Variants in CSPP1 observed in about 807,000 individuals in gnomAD.
CSPP1 encodes centrosome and spindle pole associated protein 1.
CSPP1 carries 126 observed loss-of-function variants against 164.4 expected under a neutral mutation model. The observed-to-expected ratio is 0.77, with a 90% CI of 0.66 to 0.89. CSPP1 has a LOEUF of 0.89. Ranked by LOEUF, CSPP1 falls within the 40% of genes least tolerant of loss-of-function variation. The probability of loss-of-function intolerance (pLI) is 0.00; values close to 1 mark genes in which losing one functional copy is unlikely to be tolerated. For missense variants in CSPP1, 1,395 were observed against 1,449.8 expected (o/e 0.96, Z 0.61); for synonymous variants, 472 against 476.7 (o/e 0.99, Z 0.13).
At position 67,158,729 on chromosome 8, in the gene CSPP1, C is replaced by A. The variant is rs933412385; in HGVS notation, c.2391+133C>A. The A allele has an allele frequency of 4.3e-6, 5 of 1,163,782 alleles. No individual in the cohort carries two copies. The African/African-American group carries it at 4.7e-5, about 11-fold the overall frequency. The allele number at this position is 1,163,782 out of a possible 1,614,324, so 72.1% of individuals were successfully genotyped here. ...AGAAAATATCAGATCAATATACATT[C>A]TTTGGATATTATTTTATTAAGGTGA... On this transcript the variant is annotated intron_variant, in intron 20 of 30. Transcript: ENST00000678616.
Position 67,159,670 on chromosome 8 carries a change from C to A in CSPP1, c.2538+533C>A, listed in dbSNP as rs570856486. 4.0e-5 allele frequency among the ~76,000 whole-genome samples: 6 copies of A among 150,708 alleles called. No individual in the cohort carries two copies. The South Asian group carries it at 1.3e-3, about 32-fold the overall frequency. ...TCAAGTAGCTGGGACTACAGGCACA[C>A]GCCATCATGCCCAGCTAATTTTTGT... is the stretch of plus-strand genomic sequence containing the variant. On this transcript the variant is annotated intron_variant, in intron 21 of 30. Coordinates refer to ENST00000678616, the MANE Select transcript of CSPP1 (RefSeq NM_001382391.1).
intron 28 of CSPP1, among the ~76,000 whole-genome samples, chr8:67,184,489 G>A (rs1312678919): frequency 4.6e-5 from 7 of 152,080 alleles, no homozygotes; most frequent in East Asian, 1.9e-4. Context: ...TGTAATCCCA[G>A]TACTTTGGGA....
intron 3 of CSPP1, among the ~76,000 whole-genome samples, chr8:67,083,454 C>G (rs1240738931): frequency 6.8e-6 from 1 of 146,808 alleles, no homozygotes; most frequent in East Asian, 2.0e-4. Context: ...ATCACTTGAA[C>G]CTGGGAGGTG....
rs767036071 is a variant in CSPP1, at chr8:67,112,041, C to T, written c.1163C>T (p.Ala388Val). ...KYRLELLEQM[A>V]EQQRNKRREK... Reference sequence around the variant, plus strand: ...AGACTAGAACTGTTGGAACAAATGGCTGAGCAACAGAGGAACAAGAGACGG... The same window carrying T: ...AGACTAGAACTGTTGGAACAAATGGTTGAGCAACAGAGGAACAAGAGACGG... The change falls in exon 10 of 31, where the codon GCT becomes GTT. Residue 388 changes from alanine (A) to valine (V), a missense_variant. Transcript: ENST00000678616. 1 of 1,610,760 alleles carries T rather than the reference C, an allele frequency of 6.2e-7. No individual in the cohort carries two copies. The highest frequency in any genetic ancestry group is 8.5e-7 in the Non-Finnish European group (1 of 1,178,086).
intron 17 of CSPP1, among the ~76,000 whole-genome samples, chr8:67,139,640 A>G (rs1276678692): frequency 1.3e-5 from 2 of 152,252 alleles, no homozygotes; most frequent in East Asian, 3.8e-4. Flanking sequence ...TGGCACATAT[A>G]CACCATGGAA....
chr8:67,158,775 G>T (rs1222449849), intron 20 of CSPP1, among the ~76,000 whole-genome samples, 179 bp downstream of exon 20: 2 of 152,168 alleles, frequency 1.3e-5, no homozygotes, highest in Admixed American at 1.3e-4. Context: ...TAAGAAAGGA[G>T]ATAAGTGATG....
intron 6 of CSPP1, 119 bp from the exon 7 acceptor site, chr8:67,095,174 G>C (rs1001146915): frequency 1.8e-6 from 1 of 543,336 alleles, no homozygotes; most frequent in Non-Finnish European, 3.2e-6. Context: ...AAATATATGG[G>C]TGATTAAATA....
chr8:67,067,444 G>GT (rs1180927320), intron 1 of CSPP1, among the ~76,000 whole-genome samples: 42 of 151,974 alleles, frequency 2.8e-4, no homozygotes, highest in African/African-American at 8.4e-4. Flanking sequence ...TGCAGGCTCT[G>GT]TTTTTTTTGT....
At chr8:67,064,381 C>G, upstream of CSPP1, 6 of 1,611,170 alleles carry the variant, frequency 3.7e-6, 1 homozygote, top group South Asian at 4.4e-5. Flanking sequence ...GGGCGGAGCC[C>G]CGGCCCGGAG....
In CSPP1 at chr8:67,105,975, G is replaced by C; in HGVS notation, c.1093G>C (p.Gly365Arg). 6.4e-7 allele frequency: 1 copy of C among 1,553,378 alleles called. No individual in the cohort carries two copies. Among genetic ancestry groups the C allele is most frequent in the Non-Finnish European group, 8.9e-7 (1 of 1,125,106 alleles). Residue 365 changes from glycine to arginine, a missense_variant and splice_region_variant, in exon 9 of 31, where the codon GGA (glycine) becomes CGA (arginine). Coordinates refer to ENST00000678616, the MANE Select transcript of CSPP1 (RefSeq NM_001382391.1). ...TCSPFAGMLF[G>R]GEDRELIQRR... ...TAGTCCTTTTGCAGGGATGCTCTTT[G>C]GTAGGCACAAAACTTCCAACTAGTT...
At position 67,193,494 on chromosome 8, in the gene CSPP1, G is replaced by A. The variant is rs1158377033; in HGVS notation, c.3361G>A (p.Gly1121Ser). The A allele has an allele frequency of 9.3e-6, 15 of 1,613,012 alleles. No individual in the cohort carries two copies. Among genetic ancestry groups the A allele is most frequent in the East Asian group, 2.2e-5 (1 of 44,882 alleles). ...DSSRPNVAPD[G>S]LSLKSISSVN... ...CAGTCGTCCTAATGTAGCACCAGAT[G>A]GTCTCTCTCTAAAATCTATATCCAG... The change falls in exon 30 of 31, where the codon GGT becomes AGT. Residue 1121 changes from glycine to serine, a missense_variant. Coordinates refer to ENST00000678616, the MANE Select transcript of CSPP1 (RefSeq NM_001382391.1).
At chr8:67,138,585 CGTTTA>C (rs1161251033) in intron 17 of CSPP1, among the ~76,000 whole-genome samples, 1 of 151,920 alleles carries the variant, frequency 6.6e-6, no homozygotes, top group Non-Finnish European at 1.5e-5. Context: ...CTTTGTTTAG[CGTTTA>C]GTTAAGCAGA....
intron 16 of CSPP1, chr8:67,135,343 G>A (rs1363075940): frequency 6.6e-6 from 1 of 151,806 alleles, no homozygotes; most frequent in Non-Finnish European, 1.5e-5. Flanking sequence ...TGTATTTTTA[G>A]TAGAGGTGGG....
chr8:67,132,178 G>A (rs1444823313), intron 16 of CSPP1, 98 bp downstream of exon 16: 1 of 1,202,978 alleles, frequency 8.3e-7, no homozygotes, highest in Non-Finnish European at 1.1e-6. Context: ...AAAAAAAACA[G>A]TTAATTATAA....
chr8:67,081,875 G>A (rs1239821949), intron 3 of CSPP1, among the ~76,000 whole-genome samples: 5 of 152,104 alleles, frequency 3.3e-5, no homozygotes, highest in African/African-American at 1.2e-4. Flanking sequence ...CTCTCGACTA[G>A]CTAGGACTAC....
intron 18 of CSPP1, among the ~76,000 whole-genome samples, chr8:67,152,962 C>T (rs899746694): frequency 1.3e-5 from 2 of 152,152 alleles, no homozygotes; most frequent in African/African-American, 4.8e-5. Context: ...CTTTTGGAGG[C>T]CGAGGCGGGC....
At chr8:67,122,729 A>G (rs1369886760) in intron 15 of CSPP1, among the ~76,000 whole-genome samples, 1 of 152,118 alleles carries the variant, frequency 6.6e-6, no homozygotes, top group Admixed American at 6.6e-5. Flanking sequence ...GTATTATTCT[A>G]TAAGTGTCTC....
chr8:67,147,279 GA>G, intron 17 of CSPP1, among the ~76,000 whole-genome samples: 1 of 152,170 alleles, frequency 6.6e-6, no homozygotes, highest in East Asian at 1.9e-4. Context: ...ATTATTTCAA[GA>G]ATATCTATCT....
chr8:67,086,849 A>T, intron 4 of CSPP1: 1 of 1,348,680 alleles, frequency 7.4e-7, no homozygotes, highest in Non-Finnish European at 9.9e-7. Context: ...AAAGAAAGGT[A>T]GGGTTGTCTG....
Sources: gnomAD v4.1 joint callset for allele counts (sites outside exome capture counted in the v4.1 genomes callset) on GRCh38, gnomAD v4.1.1 for gene constraint, MANE v1.5 for transcripts, NCBI Gene and HGNC (gene_info 2026-07-23, HGNC 2026-07-21) for gene names.